SLC2A12: variants seen among roughly 807,000 people sequenced by gnomAD.
SLC2A12 encodes the protein solute carrier family 2, facilitated glucose transporter member 12.
A neutral mutation model predicts 41.8 loss-of-function variants in SLC2A12; 23 were observed. That is an observed-to-expected ratio of 0.55 (90% confidence interval 0.40 to 0.78). The LOEUF is 0.78. Ranked by LOEUF, SLC2A12 falls within the 30% of genes least tolerant of loss-of-function variation. The pLI is 0.00. For missense variants in SLC2A12, 654 were observed against 745.6 expected (o/e 0.88, Z 1.43); for synonymous variants, 295 against 285.9 (o/e 1.03, Z -0.32).
chr6:134,037,472 A>G (rs984405467), intron 1 of SLC2A12, among the ~76,000 whole-genome samples: 2 of 151,832 alleles, frequency 1.3e-5, no homozygotes, highest in African/African-American at 4.8e-5. Flanking sequence ...CTCCTGCCTC[A>G]GCGTCCGGAG....
chr6:134,032,465 T>TA (rs1491198648), intron 1 of SLC2A12, among the ~76,000 whole-genome samples: 19 of 33,126 alleles, frequency 5.7e-4, no homozygotes, highest in African/African-American at 2.8e-3. Flanking sequence ...TATATATATA[T>TA]TTTTATATAT....
At chr6:134,051,239 G>A (rs922794513) in intron 1 of SLC2A12, among the ~76,000 whole-genome samples, 13 of 152,078 alleles carry the variant, frequency 8.5e-5, no homozygotes, top group Non-Finnish European at 1.5e-4. Context: ...TTCTTGACGA[G>A]AAGTGTGAAA....
intron 1 of SLC2A12, among the ~76,000 whole-genome samples, chr6:134,031,865 G>A (rs1415398462): frequency 6.6e-6 from 1 of 152,170 alleles, no homozygotes. Flanking sequence ...ACAGGAATGG[G>A]TGAGATCACT....
intron 2 of SLC2A12, among the ~76,000 whole-genome samples, chr6:134,023,405 G>T (rs1777071752): frequency 6.6e-6 from 1 of 152,194 alleles, no homozygotes; most frequent in African/African-American, 2.4e-5. Context: ...CTGCCCTCTA[G>T]AAAGGGAATG....
chr6:134,030,224 G>C (rs1215598117), intron 1 of SLC2A12, among the ~76,000 whole-genome samples: 1 of 152,172 alleles, frequency 6.6e-6, no homozygotes, highest in Non-Finnish European at 1.5e-5. Flanking sequence ...CAGCCTCCAG[G>C]AAACTTGCCC....
intron 1 of SLC2A12, among the ~76,000 whole-genome samples, chr6:134,043,890 A>G (rs560317825): frequency 1.3e-3 from 192 of 152,084 alleles, no homozygotes; most frequent in African/African-American, 4.5e-3. Flanking sequence ...TAGTTCACAA[A>G]AGTTTTGTGA....
chr6:134,033,071 G>A (rs368725225), intron 1 of SLC2A12, among the ~76,000 whole-genome samples: 70 of 151,932 alleles, frequency 4.6e-4, no homozygotes, highest in African/African-American at 1.2e-3. Context: ...CAGATGGCCA[G>A]CATATAACAT....
intron 1 of SLC2A12, among the ~76,000 whole-genome samples, chr6:134,031,430 A>G (rs1423065619): frequency 6.6e-6 from 1 of 151,540 alleles, no homozygotes; most frequent in African/African-American, 2.4e-5. Context: ...AACAAACAAA[A>G]AAAACATTAC....
chr6:134,006,743 G>A (rs764725783), intron 3 of SLC2A12, 69 bp downstream of exon 3: 4 of 1,588,298 alleles, frequency 2.5e-6, no homozygotes, highest in Non-Finnish European at 3.4e-6. Context: ...TGGTCTTTAG[G>A]TGGGTGTGAT....
chr6:134,020,670 A>C (rs1284209546), intron 2 of SLC2A12, among the ~76,000 whole-genome samples: 2 of 152,228 alleles, frequency 1.3e-5, no homozygotes, highest in African/African-American at 4.8e-5. Context: ...TAGCCTCAAG[A>C]TAAGAATGTG....
At chr6:134,041,388 C>T (rs925868720) in intron 1 of SLC2A12, among the ~76,000 whole-genome samples, 8 of 151,952 alleles carry the variant, frequency 5.3e-5, no homozygotes, top group Admixed American at 2.0e-4. Flanking sequence ...GGAGGCAAGG[C>T]AGGAGGATTG....
chr6:134,031,654 T>G (rs1390876382), intron 1 of SLC2A12, among the ~76,000 whole-genome samples: 1 of 152,056 alleles, frequency 6.6e-6, no homozygotes, highest in Non-Finnish European at 1.5e-5. Flanking sequence ...ATAGAACTGG[T>G]TGTGAGTGGT....
rs192669468 is a variant in SLC2A12, at chr6:134,004,573, A to G, written c.1567+2239T>C. 3.7e-3 allele frequency among the ~76,000 whole-genome samples: 568 copies of G among 152,356 alleles called. 4 individuals are homozygous for G. The highest frequency in any genetic ancestry group is 0.013 in the African/African-American group (535 of 41,582). ...ATGAAGAAATTAGGTTATTTGTTTC[A>G]TAGAACTTCCCACAGTCTGGATTTT... On this transcript the variant is annotated intron_variant, in intron 3 of 4. Coordinates refer to ENST00000275230, the MANE Select transcript of SLC2A12 (RefSeq NM_145176.3).
intron 1 of SLC2A12, among the ~76,000 whole-genome samples, chr6:134,034,526 T>A (rs1268866479): frequency 6.6e-6 from 1 of 152,210 alleles, no homozygotes; most frequent in Non-Finnish European, 1.5e-5. Context: ...CTGGTGCTAC[T>A]TTACAAAGAG....
At position 134,029,568 on chromosome 6, in the gene SLC2A12, A is replaced by T; in HGVS notation, c.257T>A (p.Leu86His). ...CHEQEMVVSS[L>H]VIGALLASLT... is the part of the protein sequence containing the mutation. Reference sequence around the variant, plus strand: ...TGAGGCAAGGAGGGCTCCAATGACGAGGGAGCTCACAACCATTTCCTGCTC... The same window carrying T: ...TGAGGCAAGGAGGGCTCCAATGACGTGGGAGCTCACAACCATTTCCTGCTC... The change falls in exon 2 of 5, where the codon CTC (leucine) becomes CAC (histidine). Residue 86 changes from leucine (L) to histidine (H), a missense_variant. Coordinates refer to ENST00000275230, the MANE Select transcript of SLC2A12 (RefSeq NM_145176.3). The T allele has an allele frequency of 1.2e-6, 2 of 1,614,128 alleles. No homozygotes were observed. Among genetic ancestry groups the T allele is most frequent in the Non-Finnish European group, 1.7e-6 (2 of 1,180,006 alleles).
Position 134,028,816 on chromosome 6 carries a change from G to C in SLC2A12, c.1009C>G (p.Leu337Val), listed in dbSNP as rs748230604. ...GTTTTGCTGCCGACATGGTCTACAA[G>C]AAGAGTGGCAGGGATGGTGCTAATG... ...KVISTIPATL[L>V]VDHVGSKTFL... is the part of the protein sequence containing the mutation. The change falls in exon 2 of 5, where the codon CTT becomes GTT. Residue 337 changes from leucine (L) to valine (V), a missense_variant. Coordinates refer to ENST00000275230, the MANE Select transcript of SLC2A12 (RefSeq NM_145176.3). 3.1e-6 allele frequency: 5 copies of C among 1,614,216 alleles called. No homozygotes were observed. The highest frequency in any genetic ancestry group is 8.5e-7 in the Non-Finnish European group (1 of 1,180,036).
chr6:134,007,446 C>G (rs564936466), intron 2 of SLC2A12, among the ~76,000 whole-genome samples: 1 of 152,318 alleles, frequency 6.6e-6, no homozygotes, highest in African/African-American at 2.4e-5. Flanking sequence ...GGCTACTCTC[C>G]CTTCTCTGAC....
rs1203291890 is a variant in SLC2A12 at position 133,990,626 on chromosome 6, A to G, written c.*529T>C. 6.6e-6 allele frequency: 1 copy of G among 152,264 alleles called. No individual in the cohort carries two copies. The highest frequency in any genetic ancestry group is 2.4e-5 in the African/African-American group (1 of 41,454). 9.4% of individuals were successfully genotyped at this position (152,264 alleles called of 1,614,324 possible). ...TTGAATGTAACTAGGAATTACCACT[A>G]AAATCCTAGCCAGGACCCTCTCCTA... On this transcript the variant is annotated 3_prime_UTR_variant, in exon 5 of 5. Coordinates refer to ENST00000275230, the MANE Select transcript of SLC2A12 (RefSeq NM_145176.3).
chr6:133,989,466 T>C lies in SLC2A12; in HGVS notation c.*1689A>G, dbSNP rs1416630792. 6.6e-6 allele frequency: 1 copy of C among 152,158 alleles called. No individual in the cohort carries two copies. The highest frequency in any genetic ancestry group is 1.5e-5 in the Non-Finnish European group (1 of 68,024). 9.4% of individuals were successfully genotyped at this position (152,158 alleles called of 1,614,324 possible). ...AATGAAGGGCTAAACAAAAAATACC[T>C]GAAGTATATATAGAGTTTGAACTAT... On this transcript the variant is annotated 3_prime_UTR_variant, in exon 5 of 5. Transcript: ENST00000275230.
Sources: gnomAD v4.1 joint callset for allele counts (sites outside exome capture counted in the v4.1 genomes callset) on GRCh38, gnomAD v4.1.1 for gene constraint, MANE v1.5 for transcripts, NCBI Gene and HGNC (gene_info 2026-07-23, HGNC 2026-07-21) for gene names.